The following SUPT3H variants were observed in gnomAD, a reference collection of about 807,000 sequenced individuals.
The protein encoded by SUPT3H is SPT3 homolog, SAGA and STAGA complex component, also known as transcription initiation protein SPT3 homolog.
A neutral mutation model predicts 44.3 loss-of-function variants in SUPT3H; 44 were observed. The ratio of observed to expected loss-of-function variants is 0.99; its 90% confidence interval spans 0.78 to 1.28. The LOEUF is 1.28. SUPT3H is among the 50% of genes most tolerant of loss of function. SUPT3H has a pLI of 0.00. For synonymous variants in SUPT3H, 124 were observed against 125.6 expected (o/e 0.99, Z 0.09); for missense variants, 380 against 387.1 (o/e 0.98, Z 0.15).
At chr6:45,182,616 G>A (rs1813483916) in intron 2 of SUPT3H, among the ~76,000 whole-genome samples, 1 of 152,102 alleles carries the variant, frequency 6.6e-6, no homozygotes, top group African/African-American at 2.4e-5. Context: ...CACTGCAAAA[G>A]GTTTCAATTT....
At position 45,340,344 on chromosome 6, in the gene SUPT3H, G is replaced by C. The variant is rs934587778; in HGVS notation, c.101+24857C>G. On this transcript the variant is annotated intron_variant, in intron 2 of 10. Transcript: ENST00000371459. ...TTTGTTAAGCCCCCTTCCCCCTCAA[G>C]ACAAGGTCTCACTCTGTCACCCAGG... Among the ~76,000 whole-genome samples, 4 of 152,064 alleles carry C rather than the reference G, an allele frequency of 2.6e-5. 1 individual carries two copies. The highest frequency in any genetic ancestry group is 9.7e-5 in the African/African-American group (4 of 41,388).
At chr6:45,267,011 C>G (rs1158819317) in intron 2 of SUPT3H, among the ~76,000 whole-genome samples, 2 of 152,046 alleles carry the variant, frequency 1.3e-5, no homozygotes, top group Non-Finnish European at 2.9e-5. Context: ...ATAAATTTAC[C>G]TTCAGCCTAT....
intron 2 of SUPT3H, among the ~76,000 whole-genome samples, chr6:45,216,186 A>G (rs73441130): frequency 8.5e-4 from 89 of 104,352 alleles, no homozygotes; most frequent in Middle Eastern, 4.9e-3. Context: ...TTAAGGAAGT[A>G]AAAGGATGGT....
intron 10 of SUPT3H, among the ~76,000 whole-genome samples, chr6:44,911,530 T>G (rs565439436): frequency 6.6e-6 from 1 of 152,346 alleles, no homozygotes; most frequent in African/African-American, 2.4e-5. Context: ...AGTACCATCA[T>G]GATGGTCTTG....
chr6:44,997,398 A>G (rs1230123801), intron 6 of SUPT3H, among the ~76,000 whole-genome samples: 1 of 151,742 alleles, frequency 6.6e-6, no homozygotes, highest in African/African-American at 2.4e-5. Flanking sequence ...GTTCATCTCC[A>G]AATAATTTTT....
intron 6 of SUPT3H, among the ~76,000 whole-genome samples, chr6:44,994,826 T>C (rs904223808): frequency 5.3e-5 from 8 of 152,058 alleles, no homozygotes; most frequent in Non-Finnish European, 4.4e-5. Flanking sequence ...CCAATGTACA[T>C]TGTGAACTTC....
At chr6:45,017,529 G>A (rs1784480219) in intron 4 of SUPT3H, among the ~76,000 whole-genome samples, 1 of 152,144 alleles carries the variant, frequency 6.6e-6, no homozygotes, top group African/African-American at 2.4e-5. Flanking sequence ...TGTATAAGGA[G>A]TAAGGAAGGG....
rs763500835 is a variant in SUPT3H, at chr6:45,014,894, A to G, written c.274-3T>C. 1.3e-6 allele frequency: 2 copies of G among 1,496,590 alleles called. No individual in the cohort carries two copies. The highest frequency in any genetic ancestry group is 2.9e-5 in the African/African-American group (2 of 70,032). The allele number at this position is 1,496,590 out of a possible 1,614,324, so 92.7% of individuals were successfully genotyped here. A position where few individuals can be genotyped will look rare whatever the true frequency, so the allele number is the denominator to read the frequency against. On this transcript the variant is annotated splice_polypyrimidine_tract_variant and splice_region_variant and intron_variant, in intron 4 of 10. Transcript: ENST00000371459. The stretch of plus-strand genomic sequence containing the variant: ...TTTAGCAGTCTTCTAAGTTTTTTCT[A>G]TTAAAAATATAAAATAAGTAAATAA...
chr6:45,311,449 A>T (rs559511500), intron 2 of SUPT3H, among the ~76,000 whole-genome samples: 1 of 152,202 alleles, frequency 6.6e-6, no homozygotes, highest in East Asian at 1.9e-4. Flanking sequence ...TCCAAATACA[A>T]GAAGCACAAA....
At chr6:45,015,387 C>T (rs756902601) in intron 4 of SUPT3H, among the ~76,000 whole-genome samples, 1 of 151,954 alleles carries the variant, frequency 6.6e-6, no homozygotes, top group Non-Finnish European at 1.5e-5. Context: ...AAAAATGATA[C>T]ATTTGTAGAG....
intron 7 of SUPT3H, among the ~76,000 whole-genome samples, chr6:44,957,747 TCA>T: frequency 6.6e-6 from 1 of 151,594 alleles, no homozygotes; most frequent in South Asian, 2.1e-4. Context: ...ATTAGCAGAC[TCA>T]CAAGAAATAT....
intron 3 of SUPT3H, among the ~76,000 whole-genome samples, chr6:45,060,718 CAG>C (rs1375722911): frequency 2.4e-4 from 36 of 152,004 alleles, no homozygotes; most frequent in Non-Finnish European, 4.3e-4. Context: ...GTCTAATATC[CAG>C]AGTCTACAAG....
At chr6:45,370,686 C>T (rs2150307124) in intron 1 of SUPT3H, among the ~76,000 whole-genome samples, 1 of 152,138 alleles carries the variant, frequency 6.6e-6, no homozygotes, top group East Asian at 1.9e-4. Flanking sequence ...AATATCAAAA[C>T]ACCCTGTAAA....
intron 2 of SUPT3H, among the ~76,000 whole-genome samples, chr6:45,337,565 T>C (rs1321212713): frequency 6.6e-6 from 1 of 151,810 alleles, no homozygotes; most frequent in Non-Finnish European, 1.5e-5. Context: ...CTCCAGAAAC[T>C]CAAGGGTACC....
intron 2 of SUPT3H, among the ~76,000 whole-genome samples, chr6:45,364,800 G>T (rs1334770939): frequency 6.6e-6 from 1 of 152,094 alleles, no homozygotes; most frequent in Non-Finnish European, 1.5e-5. Context: ...ATTATTACAA[G>T]AGTTGAGAAA....
At chr6:45,013,792 C>A (rs1217465132) in intron 5 of SUPT3H, among the ~76,000 whole-genome samples, 2 of 151,910 alleles carry the variant, frequency 1.3e-5, no homozygotes, top group Non-Finnish European at 2.9e-5. Flanking sequence ...AAATTGTTGC[C>A]CTAGAATAAG....
intron 10 of SUPT3H, among the ~76,000 whole-genome samples, chr6:44,886,956 G>A (rs1190137218): frequency 6.6e-6 from 1 of 152,058 alleles, no homozygotes; most frequent in African/African-American, 2.4e-5. Flanking sequence ...AAAAAAGGCA[G>A]GGGTTGCAAT....
At chr6:45,317,001 C>T (rs1355679952) in intron 2 of SUPT3H, among the ~76,000 whole-genome samples, 4 of 151,890 alleles carry the variant, frequency 2.6e-5, no homozygotes, top group Non-Finnish European at 4.4e-5. Flanking sequence ...CCAAGGTGGG[C>T]GGATCACTTG....
At chr6:45,374,393 C>A (rs746189349) in intron 1 of SUPT3H, among the ~76,000 whole-genome samples, 2 of 152,164 alleles carry the variant, frequency 1.3e-5, no homozygotes, top group Admixed American at 6.5e-5. Flanking sequence ...ATGCCATTAC[C>A]ATCTTCATTT....
Sources: gnomAD v4.1 joint callset for allele counts (sites outside exome capture counted in the v4.1 genomes callset) on GRCh38, gnomAD v4.1.1 for gene constraint, MANE v1.5 for transcripts, NCBI Gene and HGNC (gene_info 2026-07-23, HGNC 2026-07-21) for gene names.